Variants in IL27RA observed in about 807,000 individuals in gnomAD.
IL27RA encodes the protein interleukin-27 receptor subunit alpha.
A neutral mutation model predicts 80.8 loss-of-function variants in IL27RA; 61 were observed. That is an observed-to-expected ratio of 0.76 (90% CI 0.61 to 0.93). IL27RA has a LOEUF of 0.93. Ranked by LOEUF, IL27RA falls within the 40% of genes least tolerant of loss-of-function variation. The pLI, the probability that IL27RA is intolerant of heterozygous loss-of-function variation, is 0.00. For missense variants in IL27RA, 735 were observed against 808.1 expected, an observed-to-expected ratio of 0.91 and a Z score of 1.10; for synonymous variants, 316 against 332.5, an observed-to-expected ratio of 0.95 and a Z score of 0.54.
At chr19:14,036,396 A>G (rs1975899225) in intron 2 of IL27RA, among the ~76,000 whole-genome samples, 1 of 152,034 alleles carries the variant, frequency 6.6e-6, no homozygotes, top group Non-Finnish European at 1.5e-5. Context: ...CCACGTATCA[A>G]TGAAAACATG....
intron 11 of IL27RA, among the ~76,000 whole-genome samples, chr19:14,051,266 C>G (rs2145697999): frequency 6.6e-6 from 1 of 151,050 alleles, no homozygotes; most frequent in Admixed American, 6.6e-5. Flanking sequence ...TAAGAATTGC[C>G]AGGCACAGTG....
chr19:14,048,833 G>A, intron 8 of IL27RA, 148 bp from the exon 9 acceptor site: 12 of 721,778 alleles, frequency 1.7e-5, no homozygotes, highest in South Asian at 1.4e-4. Flanking sequence ...GCCCTATTGG[G>A]GTTTTCTGGG....
At chr19:14,051,540 T>A in intron 11 of IL27RA, 67 bp from the exon 12 acceptor site, 1 of 947,648 alleles carries the variant, frequency 1.1e-6, no homozygotes, top group Non-Finnish European at 1.5e-6. Flanking sequence ...AGACTCTGTC[T>A]CAAAAATAAA....
chr19:14,033,167 G>T (rs912228656), intron 2 of IL27RA, among the ~76,000 whole-genome samples: 14 of 148,932 alleles, frequency 9.4e-5, no homozygotes, highest in African/African-American at 3.5e-4. Context: ...TGTGGTCTCG[G>T]CTCACTGCAA....
In IL27RA at chr19:14,052,922, AAAG is replaced by A. The variant is rs1358532944; in HGVS notation, c.*635_*637del. On this transcript the variant is annotated 3_prime_UTR_variant, in exon 14 of 14. Transcript: ENST00000263379. The stretch of plus-strand genomic sequence containing the variant: ...AAAAAGCAAAAAAAAAAAAAAAAGA[AAAG>A]AAAAAACACTGCATTTGGGCACCAT... 1.3e-5 allele frequency: 2 copies of A among 151,976 alleles called. No homozygotes were observed. Among genetic ancestry groups the A allele is most frequent in the African/African-American group, 4.8e-5 (2 of 41,370 alleles). 9.4% of individuals were successfully genotyped at this position (151,976 alleles called of 1,614,324 possible).
At position 14,031,805 on chromosome 19, in the gene IL27RA, G is replaced by T. The variant is rs1380120628; in HGVS notation, c.-68G>T. The T allele has an allele frequency of 1.3e-5, 17 of 1,358,966 alleles. No homozygotes were observed. Among genetic ancestry groups the T allele is most frequent in the Non-Finnish European group, 1.7e-5 (17 of 994,784 alleles). 84.2% of individuals were successfully genotyped at this position (1,358,966 alleles called of 1,614,324 possible). A position where few individuals can be genotyped will look rare whatever the true frequency, so the allele number is the denominator to read the frequency against. On this transcript the variant is annotated 5_prime_UTR_variant, in exon 1 of 14. Transcript: ENST00000263379. Reference sequence around the variant, plus strand: ...GCCTCGGGCGCTGTACCCAGAGCTCGAAGAGGAGCAGCGCGGCCGCGCGGA... The same window carrying T: ...GCCTCGGGCGCTGTACCCAGAGCTCTAAGAGGAGCAGCGCGGCCGCGCGGA...
chr19:14,038,723 A>G (rs1166499108), intron 2 of IL27RA, among the ~76,000 whole-genome samples: 1 of 151,902 alleles, frequency 6.6e-6, no homozygotes, highest in Non-Finnish European at 1.5e-5. Context: ...TGTCTCTACT[A>G]AAAGTACAAA....
At chr19:14,044,490 C>T (rs1282921321) in intron 6 of IL27RA, among the ~76,000 whole-genome samples, 2 of 151,910 alleles carry the variant, frequency 1.3e-5, no homozygotes, top group Middle Eastern at 3.2e-3. Context: ...TCTGCCCACT[C>T]GGCCTCCCAA....
At chr19:14,048,862 G>T (rs752444395) in intron 8 of IL27RA, 119 bp from the exon 9 acceptor site, 2 of 860,792 alleles carry the variant, frequency 2.3e-6, no homozygotes, top group Admixed American at 2.3e-5. Context: ...CTAGATAAAT[G>T]ACTTACAGTC....
Position 14,053,010 on chromosome 19 carries a change from A to C in IL27RA, c.*720A>C, listed in dbSNP as rs1473104906. The C allele has an allele frequency of 1.3e-5, 2 of 152,022 alleles. No homozygotes were observed. The highest frequency in any genetic ancestry group is 2.9e-5 in the Non-Finnish European group (2 of 68,100). 9.4% of individuals were successfully genotyped at this position (152,022 alleles called of 1,614,324 possible). On this transcript the variant is annotated 3_prime_UTR_variant, in exon 14 of 14. Coordinates refer to ENST00000263379, the MANE Select transcript of IL27RA (RefSeq NM_004843.4). Reference sequence around the variant, plus strand: ...GAGTTCTTGACAACAGAATGTGGTCAGAAGTGACATATGCCAACACGGGGT... The same window carrying C: ...GAGTTCTTGACAACAGAATGTGGTCCGAAGTGACATATGCCAACACGGGGT...
rs1975982949 is a variant in IL27RA, at chr19:14,041,019, T to C, written c.534+1109T>C. ...TCTAGGTTCAAGCGATTCTCCTGCC[T>C]CAGCCTCCCGAGTAGCTGGGATTAC... On this transcript the variant is annotated intron_variant, in intron 4 of 13. Coordinates refer to ENST00000263379, the MANE Select transcript of IL27RA (RefSeq NM_004843.4). Among the ~76,000 whole-genome samples the C allele has an allele frequency of 2.0e-5, 3 of 151,122 alleles. No homozygotes were observed. In the Admixed American group the frequency reaches 2.0e-4, roughly 10 times the overall value.
chr19:14,049,700 G>A (rs986751679), intron 10 of IL27RA, among the ~76,000 whole-genome samples: 1 of 151,162 alleles, frequency 6.6e-6, no homozygotes, highest in East Asian at 2.0e-4. Context: ...TCCTGCCTCA[G>A]CCTCCTGAGT....
chr19:14,045,395 G>C (rs1599301635), intron 6 of IL27RA, among the ~76,000 whole-genome samples: 2 of 150,878 alleles, frequency 1.3e-5, no homozygotes, highest in Non-Finnish European at 3.0e-5. Flanking sequence ...AAGGTCAGGA[G>C]ATCAAGACCA....
At chr19:14,048,931 C>T in intron 8 of IL27RA, 50 bp from the exon 9 acceptor site, 1 of 1,491,556 alleles carries the variant, frequency 6.7e-7, no homozygotes, top group Non-Finnish European at 9.4e-7. Flanking sequence ...AGGAAATGAG[C>T]ATGGGAAGGA....
chr19:14,051,613 C>T lies in IL27RA; in HGVS notation c.1535C>T (p.Thr512Ile), dbSNP rs762708079. 1 of 1,603,644 alleles carries T rather than the reference C, an allele frequency of 6.2e-7. No homozygotes were observed. Among genetic ancestry groups the T allele is most frequent in the Non-Finnish European group, 8.5e-7 (1 of 1,172,046 alleles). Residue 512 changes from threonine (T) to isoleucine (I), a missense_variant, in exon 12 of 14, where the codon ACC (threonine) becomes ATC (isoleucine). By Grantham distance (89) the Thr-to-Ile change is moderately conservative. Transcript: ENST00000263379. ...CTCTTCCCTACCCTACCAGATAACA[C>T]CCTGAGGTGGAAAGTTCTGCCGGGC... The part of the protein sequence containing the change: ...PILRLHLPDN[T>I]LRWKVLPGIL...
chr19:14,049,157 A>C lies in IL27RA; in HGVS notation c.1245A>C (p.Ala415=), dbSNP rs1599303616. 1.2e-6 allele frequency: 2 copies of C among 1,613,226 alleles called. No homozygotes were observed. The highest frequency in any genetic ancestry group is 1.7e-6 in the Non-Finnish European group (2 of 1,179,502). The part of the protein sequence containing the change: ...SSVWGFREEL[A]PLVGPTLWRL... ...TTGACCTACTGCCTTCCTCCCCAGC[A>C]CCCCTAGTGGGGCCAACGCTTTGGC... Residue 415 remains alanine, a splice_region_variant and synonymous_variant, in exon 10 of 14, where the codon GCA becomes GCC. Coordinates refer to ENST00000263379, the MANE Select transcript of IL27RA (RefSeq NM_004843.4).
chr19:14,050,918 G>A, intron 11 of IL27RA, 35 bp downstream of exon 11: 2 of 1,587,238 alleles, frequency 1.3e-6, no homozygotes, highest in Non-Finnish European at 1.7e-6. Flanking sequence ...CACAGGGAGG[G>A]GATGTACTCC....
chr19:14,035,623 G>A (rs924193156), intron 2 of IL27RA, among the ~76,000 whole-genome samples: 3 of 151,540 alleles, frequency 2.0e-5, no homozygotes, highest in Non-Finnish European at 2.9e-5. Context: ...TCGAACTCCC[G>A]ACCTCAGGTG....
At chr19:14,039,697 G>A (rs567809883) in intron 3 of IL27RA, 32 bp downstream of exon 3, 83 of 1,610,758 alleles carry the variant, frequency 5.2e-5, no homozygotes, top group Admixed American at 3.7e-4. Context: ...CGCTCTATGC[G>A]GGGTGGGTGC....
Sources: allele counts gnomAD v4.1 joint callset (sites outside exome capture counted in the v4.1 genomes callset), GRCh38; gene constraint gnomAD v4.1.1; transcripts MANE v1.5; gene names NCBI Gene and HGNC (gene_info 2026-07-23, HGNC 2026-07-21).